Variants in CRYBG1 observed in about 807,000 individuals in gnomAD.
CRYBG1 encodes the protein beta/gamma crystallin domain-containing protein 1.
Under a neutral mutation model 189.2 loss-of-function variants are expected in CRYBG1, and 139 were observed. That is an observed-to-expected ratio of 0.73 (90% CI 0.64 to 0.85). The LOEUF (loss-of-function observed/expected upper bound fraction) is 0.85. Among genes scored for constraint, CRYBG1 ranks in the 40% least tolerant of loss-of-function variants. The probability of loss-of-function intolerance (pLI) is 0.00; values close to 1 mark genes in which losing one functional copy is unlikely to be tolerated. For missense variants in CRYBG1, 2,611 were observed against 2,675.8 expected (o/e 0.98, Z 0.53); for synonymous variants, 1,023 against 1,017.1 (o/e 1.01, Z -0.11).
At chr6:106,568,343 C>T in intron 21 of CRYBG1, 129 bp from the exon 22 acceptor site, 1 of 709,232 alleles carries the variant, frequency 1.4e-6, no homozygotes, top group Non-Finnish European at 2.4e-6. Context: ...TGCCTTGCCT[C>T]CTTGAGGCAT....
chr6:106,415,394 T>C (rs1771002916), intron 1 of CRYBG1, among the ~76,000 whole-genome samples: 1 of 152,164 alleles, frequency 6.6e-6, no homozygotes. Context: ...AGGAGAGGAA[T>C]TGCAGGAAAT....
chr6:106,400,298 T>C (rs1029446637), intron 1 of CRYBG1, among the ~76,000 whole-genome samples: 1 of 152,206 alleles, frequency 6.6e-6, no homozygotes, highest in Non-Finnish European at 1.5e-5. Flanking sequence ...CCCTTTAAGA[T>C]GCAATATTAA....
intron 9 of CRYBG1, 61 bp from the exon 10 acceptor site, chr6:106,541,525 T>C: frequency 6.8e-7 from 1 of 1,466,252 alleles, no homozygotes; most frequent in Non-Finnish European, 9.6e-7. Flanking sequence ...CTGCTATGGC[T>C]AATATAAAAT....
chr6:106,400,767 A>G (rs1217752311), intron 1 of CRYBG1, among the ~76,000 whole-genome samples: 2 of 152,218 alleles, frequency 1.3e-5, no homozygotes, highest in African/African-American at 4.8e-5. Flanking sequence ...GAAGAAAATT[A>G]CAGCACCTAC....
At chr6:106,392,633 T>A (rs1770530421) in intron 1 of CRYBG1, among the ~76,000 whole-genome samples, 1 of 152,212 alleles carries the variant, frequency 6.6e-6, no homozygotes, top group Non-Finnish European at 1.5e-5. Flanking sequence ...TAAGATTAAA[T>A]TTTTCTCTGT....
At chr6:106,517,312 A>T (rs1486473490) in intron 3 of CRYBG1, among the ~76,000 whole-genome samples, 2 of 132,962 alleles carry the variant, frequency 1.5e-5, no homozygotes, top group Non-Finnish European at 3.1e-5. Flanking sequence ...ATACACACAC[A>T]CACACATATA....
chr6:106,496,051 C>A (rs760367033), intron 2 of CRYBG1, among the ~76,000 whole-genome samples: 3 of 152,146 alleles, frequency 2.0e-5, no homozygotes, highest in Non-Finnish European at 4.4e-5. Flanking sequence ...CTTCTGCCCT[C>A]ATCAGCCTGT....
At chr6:106,385,640 G>C (rs1258342696) in intron 1 of CRYBG1, among the ~76,000 whole-genome samples, 1 of 152,156 alleles carries the variant, frequency 6.6e-6, no homozygotes, top group Non-Finnish European at 1.5e-5. Context: ...AAGAATTGTT[G>C]TTTCATTGTA....
intron 13 of CRYBG1, among the ~76,000 whole-genome samples, chr6:106,550,174 G>A (rs1017824289): frequency 6.6e-6 from 1 of 152,164 alleles, no homozygotes; most frequent in Non-Finnish European, 1.5e-5. Flanking sequence ...TCTAGTGCCA[G>A]TCTAGTTCCT....
intron 8 of CRYBG1, among the ~76,000 whole-genome samples, chr6:106,534,769 C>A (rs1318453184): frequency 6.6e-6 from 1 of 152,106 alleles, no homozygotes; most frequent in Non-Finnish European, 1.5e-5. Flanking sequence ...CTAATCCTGG[C>A]ACCCATCCTC....
At chr6:106,404,878 C>T (rs559395406) in intron 1 of CRYBG1, among the ~76,000 whole-genome samples, 3 of 152,150 alleles carry the variant, frequency 2.0e-5, no homozygotes, top group Admixed American at 6.5e-5. Context: ...CCACAGTCTT[C>T]GCAACCCACA....
chr6:106,382,188 G>C (rs1432371872), intron 1 of CRYBG1, among the ~76,000 whole-genome samples: 1 of 152,140 alleles, frequency 6.6e-6, no homozygotes, highest in Non-Finnish European at 1.5e-5. Context: ...GTACACGTGT[G>C]GTCAGTAGTC....
In CRYBG1 at chr6:106,360,755, C is replaced by T; in HGVS notation, c.-154C>T. 2.3e-6 allele frequency: 2 copies of T among 864,834 alleles called. No homozygotes were observed. Among genetic ancestry groups the T allele is most frequent in the Non-Finnish European group, 3.4e-6 (2 of 596,548 alleles). 53.6% of individuals were successfully genotyped at this position (864,834 alleles called of 1,614,324 possible). On this transcript the variant is annotated 5_prime_UTR_variant, in exon 1 of 22. Transcript: ENST00000633556. Reference sequence around the variant, plus strand: ...CTGCGCTGGGTGCTGGTTCTGCAACCCGCGGCCGTCCCCCCGCATCCGCGA... The same window carrying T: ...CTGCGCTGGGTGCTGGTTCTGCAACTCGCGGCCGTCCCCCCGCATCCGCGA...
At chr6:106,478,711 G>A (rs1772384499) in intron 2 of CRYBG1, among the ~76,000 whole-genome samples, 1 of 152,218 alleles carries the variant, frequency 6.6e-6, no homozygotes, top group Non-Finnish European at 1.5e-5. Context: ...GGTGAGCGAT[G>A]GGCATGCAAG....
chr6:106,490,954 T>A (rs534310011), intron 2 of CRYBG1, among the ~76,000 whole-genome samples: 1 of 152,356 alleles, frequency 6.6e-6, no homozygotes, highest in South Asian at 2.1e-4. Context: ...GGAAAGTAAC[T>A]AAAACTGGCA....
chr6:106,395,898 C>T (rs1025615957), intron 1 of CRYBG1, among the ~76,000 whole-genome samples: 1 of 152,116 alleles, frequency 6.6e-6, no homozygotes, highest in Non-Finnish European at 1.5e-5. Flanking sequence ...AAATGACAAG[C>T]CCTAGGCAAA....
chr6:106,443,708 A>AT (rs5878890), intron 1 of CRYBG1, among the ~76,000 whole-genome samples: 17,324 of 151,250 alleles, frequency 0.11, 1,138 homozygotes, highest in East Asian at 0.18. Context: ...TAACCACATA[A>AT]TTTTTTTTTC....
chr6:106,497,407 C>T (rs188780565), intron 2 of CRYBG1, among the ~76,000 whole-genome samples: 2 of 152,244 alleles, frequency 1.3e-5, no homozygotes, highest in East Asian at 3.9e-4. Context: ...TGGAACTGTC[C>T]TTCATGGCTC....
At chr6:106,398,480 C>T (rs868240266) in intron 1 of CRYBG1, among the ~76,000 whole-genome samples, 2 of 151,944 alleles carry the variant, frequency 1.3e-5, no homozygotes, top group Non-Finnish European at 2.9e-5. Flanking sequence ...TAATAAAATC[C>T]AATAAACCAA....
Sources: gnomAD v4.1 joint callset for allele counts (sites outside exome capture counted in the v4.1 genomes callset) on GRCh38, gnomAD v4.1.1 for gene constraint, MANE v1.5 for transcripts, NCBI Gene and HGNC (gene_info 2026-07-23, HGNC 2026-07-21) for gene names.